The following SOX5 variants were observed in gnomAD, a reference collection of about 807,000 sequenced individuals.
SOX5 encodes transcription factor SOX-5.
Under a neutral mutation model 92.0 loss-of-function variants are expected in SOX5, and 9 were observed. The observed-to-expected ratio is 0.10, with a 90% CI of 0.06 to 0.17. The LOEUF is 0.17. Among genes scored for constraint, SOX5 ranks in the 10% least tolerant of loss-of-function variants. SOX5 has a pLI of 1.00. For synonymous variants in SOX5, 344 were observed against 336.3 expected (o/e 1.02, Z -0.25); for missense variants, 642 against 944.5 (o/e 0.68, Z 4.20).
At chr12:23,535,334 A>G (rs1183637168) in intron 14 of SOX5, among the ~76,000 whole-genome samples, 1 of 152,184 alleles carries the variant, frequency 6.6e-6, no homozygotes, top group East Asian at 1.9e-4. Context: ...GAGTCTCTGA[A>G]ACAGTTCTGG....
chr12:23,760,877 GT>G (rs1050436948), intron 3 of SOX5, among the ~76,000 whole-genome samples: 8 of 152,150 alleles, frequency 5.3e-5, no homozygotes, highest in Admixed American at 3.3e-4. Context: ...GTTTATGTAG[GT>G]TTTTTTCCTT....
At chr12:23,934,876 AG>A (rs1942221004) in intron 1 of SOX5, among the ~76,000 whole-genome samples, 1 of 151,368 alleles carries the variant, frequency 6.6e-6, no homozygotes, top group South Asian at 2.1e-4. Context: ...CAAAGATCAC[AG>A]AACTAATCAA....
intron 1 of SOX5, among the ~76,000 whole-genome samples, chr12:24,511,761 A>T (rs981518832): frequency 2.6e-5 from 4 of 152,110 alleles, no homozygotes; most frequent in African/African-American, 4.8e-5. Flanking sequence ...GATCAAGACC[A>T]TCCTGGCTAA....
chr12:24,360,040 C>A (rs1157418569), intron 2 of SOX5, among the ~76,000 whole-genome samples: 1 of 152,106 alleles, frequency 6.6e-6, no homozygotes, highest in African/African-American at 2.4e-5. Flanking sequence ...AAGGGAGAAG[C>A]TGAATAAAAT....
At chr12:23,824,145 GT>G (rs2096181895) in intron 3 of SOX5, among the ~76,000 whole-genome samples, 2 of 152,124 alleles carry the variant, frequency 1.3e-5, no homozygotes. Context: ...TCTCCATCCA[GT>G]TTTGTTCCCT....
At chr12:23,747,662 T>C (rs1414957521) in intron 4 of SOX5, among the ~76,000 whole-genome samples, 4 of 152,138 alleles carry the variant, frequency 2.6e-5, no homozygotes, top group African/African-American at 7.2e-5. Flanking sequence ...CTCAGCGCAG[T>C]TGACATTTAG....
intron 2 of SOX5, among the ~76,000 whole-genome samples, chr12:23,890,405 C>T (rs1028146508): frequency 6.6e-6 from 1 of 152,050 alleles, no homozygotes; most frequent in South Asian, 2.1e-4. Flanking sequence ...ATAAAATATG[C>T]TTTTTATTTA....
intron 4 of SOX5, among the ~76,000 whole-genome samples, chr12:24,012,128 A>AG (rs370064274): frequency 0.018 from 681 of 37,572 alleles, 4 homozygotes; most frequent in Non-Finnish European, 0.063. Flanking sequence ...TGACTTCAGC[A>AG]GAAAAAAAAC....
At chr12:23,719,276 T>C (rs936847940) in intron 6 of SOX5, among the ~76,000 whole-genome samples, 1 of 152,092 alleles carries the variant, frequency 6.6e-6, no homozygotes, top group African/African-American at 2.4e-5. Context: ...TCAAAGCAGG[T>C]TTTGTTTACA....
At chr12:24,057,579 T>G (rs1467490060) in intron 4 of SOX5, among the ~76,000 whole-genome samples, 1 of 152,226 alleles carries the variant, frequency 6.6e-6, no homozygotes, top group Admixed American at 6.5e-5. Context: ...TATGTTTTTA[T>G]TAGTAGTAAC....
chr12:24,357,527 T>C (rs1316049776), intron 2 of SOX5: 3 of 152,124 alleles, frequency 2.0e-5, no homozygotes, highest in Non-Finnish European at 4.4e-5. Context: ...TAAGACTACC[T>C]ACCCCACCAA....
intron 2 of SOX5, among the ~76,000 whole-genome samples, chr12:24,355,227 T>C (rs1443393559): frequency 6.8e-6 from 1 of 146,844 alleles, no homozygotes; most frequent in Non-Finnish European, 1.5e-5. Context: ...CCCAGCCAGC[T>C]CATCACCAAT....
chr12:23,794,698 T>C (rs2142025591), intron 3 of SOX5, among the ~76,000 whole-genome samples: 1 of 152,286 alleles, frequency 6.6e-6, no homozygotes, highest in East Asian at 1.9e-4. Context: ...AATAATTTTT[T>C]ATTTCATCCT....
At chr12:23,818,310 T>C (rs1044637093) in intron 3 of SOX5, among the ~76,000 whole-genome samples, 13 of 152,204 alleles carry the variant, frequency 8.5e-5, no homozygotes, top group Non-Finnish European at 1.9e-4. Flanking sequence ...CTGTACAGCT[T>C]GTTACTGTGC....
At chr12:24,243,408 CTG>C (rs1476361648) in intron 3 of SOX5, among the ~76,000 whole-genome samples, 1 of 152,096 alleles carries the variant, frequency 6.6e-6, no homozygotes, top group Admixed American at 6.6e-5. Flanking sequence ...ACAGTATTTT[CTG>C]TCTTGTATTT....
intron 4 of SOX5, among the ~76,000 whole-genome samples, chr12:23,979,579 A>G (rs1341403127): frequency 6.6e-6 from 1 of 151,712 alleles, no homozygotes; most frequent in Non-Finnish European, 1.5e-5. Flanking sequence ...TGGCCTCCTA[A>G]AAAAAGAAAA....
At chr12:23,859,528 G>T (rs752769216) in intron 2 of SOX5, among the ~76,000 whole-genome samples, 1 of 152,132 alleles carries the variant, frequency 6.6e-6, no homozygotes, top group African/African-American at 2.4e-5. Flanking sequence ...TGTGCCCAGC[G>T]GGACATGGAC....
intron 1 of SOX5, among the ~76,000 whole-genome samples, chr12:24,475,499 T>G (rs10842357): frequency 0.63 from 95,006 of 151,948 alleles, 30,522 homozygotes; most frequent in East Asian, 0.98. Context: ...ATGTGAAAAG[T>G]CGTGAGCAAC....
chr12:23,869,466 C>A (rs952439001), intron 2 of SOX5, among the ~76,000 whole-genome samples: 3 of 152,040 alleles, frequency 2.0e-5, no homozygotes, highest in Non-Finnish European at 4.4e-5. Context: ...TTTTAGGAAG[C>A]CTTTCTTCAT....
Sources: gnomAD v4.1 joint callset for allele counts (sites outside exome capture counted in the v4.1 genomes callset) on GRCh38, gnomAD v4.1.1 for gene constraint, MANE v1.5 for transcripts, NCBI Gene and HGNC (gene_info 2026-07-23, HGNC 2026-07-21) for gene names.